The following UGT1A5 variants were observed in gnomAD, a reference collection of about 807,000 sequenced individuals.
UGT1A5 encodes the protein UDP-glucuronosyltransferase 1A5.
In UGT1A5, 29 loss-of-function variants were observed where a neutral mutation model predicts 40.3. The ratio of observed to expected loss-of-function variants is 0.72; its 90% CI spans 0.54 to 0.98. The LOEUF (loss-of-function observed/expected upper bound fraction) is 0.98. Among genes scored for constraint, UGT1A5 ranks in the 50% least tolerant of loss-of-function variants. UGT1A5 has a pLI of 0.00. For missense variants in UGT1A5, 678 were observed against 677.9 expected, an observed-to-expected ratio of 1.00 and a Z score of 0.00; for synonymous variants, 257 against 262.5, an observed-to-expected ratio of 0.98 and a Z score of 0.20.
At chr2:233,715,853 C>T (rs2076473292) in intron 1 of UGT1A5, among the ~76,000 whole-genome samples, 1 of 152,126 alleles carries the variant, frequency 6.6e-6, no homozygotes, top group Admixed American at 6.5e-5. Context: ...ATATGAAAAG[C>T]TGGGTGCAGT....
chr2:233,729,326 T>C (rs370995578), intron 1 of UGT1A5: 82 of 1,614,128 alleles, frequency 5.1e-5, no homozygotes, highest in Non-Finnish European at 6.7e-5. Flanking sequence ...GAGGTGAATA[T>C]GCACATCAAA....
chr2:233,755,131 T>C (rs1695774627), intron 1 of UGT1A5: 1 of 1,321,048 alleles, frequency 7.6e-7, no homozygotes, highest in African/African-American at 1.5e-5. Flanking sequence ...GCCACCTGCT[T>C]GAATCTTCTC....
Position 233,766,889 on chromosome 2 carries a change from C to T in UGT1A5, c.868-145C>T, listed in dbSNP as rs35858210. ...GGAGAGGAAAATGCTGTAAAACTTA[C>T]ATATTAATAATTTTTTACTCTATCT... On this transcript the variant is annotated intron_variant, in intron 1 of 4. Coordinates refer to ENST00000373414, the MANE Select transcript of UGT1A5 (RefSeq NM_019078.2). 3,026 of 1,464,588 alleles carry T rather than the reference C, an allele frequency of 2.1e-3. 24 individuals are homozygous for T. The highest frequency in any genetic ancestry group is 0.013 in the Middle Eastern group (51 of 4,042). The allele number at this position is 1,464,588 out of a possible 1,614,324, so 90.7% of individuals were successfully genotyped here.
rs1332210670 is a variant in UGT1A5 at position 233,713,495 on chromosome 2, T to C, written c.504T>C (p.Pro168=). 2 of 1,614,050 alleles carry C rather than the reference T, an allele frequency of 1.2e-6. No individual in the cohort carries two copies. The highest frequency in any genetic ancestry group is 1.3e-5 in the African/African-American group (1 of 75,034). The change falls in exon 1 of 5, where the codon CCT becomes CCC. Residue 168 remains proline, a synonymous_variant. Coordinates refer to ENST00000373414, the MANE Select transcript of UGT1A5 (RefSeq NM_019078.2). ...AAVLAKYLSI[P]AVFFLRNIPC... ...TGCTGGCTAAGTACCTGTCGATTCC[T>C]GCTGTGTTTTTCTTGAGGAACATTC...
intron 1 of UGT1A5, among the ~76,000 whole-genome samples, chr2:233,727,709 G>A (rs1490010404): frequency 6.6e-6 from 1 of 152,172 alleles, no homozygotes; most frequent in Non-Finnish European, 1.5e-5. Context: ...AGTTCCCAAA[G>A]CCCTTGCAGA....
chr2:233,714,236 G>A (rs560631891), intron 1 of UGT1A5, among the ~76,000 whole-genome samples: 1 of 152,282 alleles, frequency 6.6e-6, no homozygotes, highest in South Asian at 2.1e-4. Flanking sequence ...ATTTTCAGTA[G>A]AAAGGAGGAA....
At chr2:233,720,267 C>T (rs1380272478) in intron 1 of UGT1A5, among the ~76,000 whole-genome samples, 2 of 152,012 alleles carry the variant, frequency 1.3e-5, no homozygotes, top group African/African-American at 4.8e-5. Context: ...AGGGATCTGT[C>T]CTGAGAAAAG....
chr2:233,729,776 C>T lies in UGT1A5; in HGVS notation c.867+15918C>T, dbSNP rs139850391. The T allele has an allele frequency of 1.9e-4, 310 of 1,613,846 alleles. 1 individual carries two copies. Among genetic ancestry groups the T allele is most frequent in the Non-Finnish European group, 2.3e-4 (267 of 1,179,864 alleles). ...CAAAGGGTCAAGAACATGCTCTACCCTCTGGCCCTGTCCTACATTTGCCAT... is the reference window on the plus strand; with the variant it reads ...CAAAGGGTCAAGAACATGCTCTACCTTCTGGCCCTGTCCTACATTTGCCAT... On this transcript the variant is annotated intron_variant, in intron 1 of 4. Transcript: ENST00000373414.
intron 1 of UGT1A5, among the ~76,000 whole-genome samples, chr2:233,715,150 T>A (rs1370902916): frequency 6.6e-6 from 1 of 152,132 alleles, no homozygotes; most frequent in Non-Finnish European, 1.5e-5. Flanking sequence ...CCTGCCAAAG[T>A]GCTGGAATTA....
At chr2:233,728,696 G>T (rs930449968) in intron 1 of UGT1A5, among the ~76,000 whole-genome samples, 26 of 152,206 alleles carry the variant, frequency 1.7e-4, no homozygotes, top group African/African-American at 6.3e-4. Context: ...TCAAGGGTTA[G>T]CAAATAGGGT....
intron 1 of UGT1A5, chr2:233,756,414 T>G (rs1696206608): frequency 6.6e-6 from 1 of 152,212 alleles, no homozygotes; most frequent in African/African-American, 2.4e-5. Flanking sequence ...ATTTGTATTA[T>G]TTGTACTGTT....
rs574132609 is a variant in UGT1A5, at chr2:233,741,478, G to A, written c.868-25556G>A. The A allele has an allele frequency of 8.6e-5, 13 of 151,780 alleles. 2 individuals carry two copies. Among genetic ancestry groups the A allele is most frequent in the African/African-American group, 2.4e-4 (10 of 41,054 alleles). The allele number at this position is 151,780 out of a possible 1,614,324, so 9.4% of individuals were successfully genotyped here. A position where few individuals can be genotyped will look rare whatever the true frequency, so the allele number is the denominator to read the frequency against. ...TATCTTCACACATGTAAGTTCCCTCGTCTGATGTACAAAAAACTGAACTCA... is the reference window on the plus strand; with the variant it reads ...TATCTTCACACATGTAAGTTCCCTCATCTGATGTACAAAAAACTGAACTCA... On this transcript the variant is annotated intron_variant, in intron 1 of 4. Transcript: ENST00000373414.
intron 1 of UGT1A5, chr2:233,743,191 C>T (rs1334858681): frequency 2.7e-6 from 1 of 376,140 alleles, no homozygotes; most frequent in East Asian, 7.3e-5. Flanking sequence ...ACTGGAATTA[C>T]TTGGTGTCAA....
chr2:233,760,740 C>T (rs2125987447), intron 1 of UGT1A5: 1 of 1,614,120 alleles, frequency 6.2e-7, no homozygotes, highest in Non-Finnish European at 8.5e-7. Context: ...TGCTGACGGA[C>T]CCTTTCCTTC....
intron 1 of UGT1A5, among the ~76,000 whole-genome samples, chr2:233,738,370 A>G (rs1385050475): frequency 1.3e-5 from 2 of 152,228 alleles, no homozygotes; most frequent in African/African-American, 4.8e-5. Flanking sequence ...CTGCTATAAA[A>G]CTACTTGAAA....
intron 1 of UGT1A5, among the ~76,000 whole-genome samples, chr2:233,753,816 G>A (rs1559398295): frequency 6.6e-6 from 1 of 152,164 alleles, no homozygotes; most frequent in Non-Finnish European, 1.5e-5. Flanking sequence ...GGAGAACCAC[G>A]TTAGGGCTGA....
chr2:233,718,776 G>A, intron 1 of UGT1A5: 1 of 1,612,920 alleles, frequency 6.2e-7, no homozygotes, highest in Middle Eastern at 2.0e-4. Flanking sequence ...AATGTAGCAG[G>A]CACAGCGTGG....
chr2:233,748,333 G>A (rs1453810710), intron 1 of UGT1A5, among the ~76,000 whole-genome samples: 2 of 151,780 alleles, frequency 1.3e-5, no homozygotes, highest in Non-Finnish European at 2.9e-5. Flanking sequence ...GTGACTCATG[G>A]AGACTGTTCG....
At chr2:233,726,326 A>C (rs1219361867) in intron 1 of UGT1A5, among the ~76,000 whole-genome samples, 1 of 152,188 alleles carries the variant, frequency 6.6e-6, no homozygotes, top group Non-Finnish European at 1.5e-5. Context: ...CAGGAGTTTC[A>C]GCACCTGTGG....
Sources: gnomAD v4.1 joint callset for allele counts (sites outside exome capture counted in the v4.1 genomes callset) on GRCh38, gnomAD v4.1.1 for gene constraint, MANE v1.5 for transcripts, NCBI Gene and HGNC (gene_info 2026-07-23, HGNC 2026-07-21) for gene names.